CYP2C19: variants seen among roughly 807,000 people sequenced by gnomAD.
CYP2C19 encodes the protein cytochrome P450 2C19.
CYP2C19 carries 59 observed loss-of-function variants against 40.9 expected under a neutral mutation model. That is an observed-to-expected ratio of 1.44 (90% CI 1.17 to 1.79). The LOEUF (loss-of-function observed/expected upper bound fraction) is 1.79. Among genes scored for constraint, CYP2C19 ranks in the 40% most tolerant of loss-of-function variants. The probability of loss-of-function intolerance (pLI) is 0.00; values close to 1 mark genes in which losing one functional copy is unlikely to be tolerated. For missense variants in CYP2C19, 754 were observed against 596.9 expected, an observed-to-expected ratio of 1.26 and a Z score of -2.74; for synonymous variants, 253 against 208.7, an observed-to-expected ratio of 1.21 and a Z score of -1.83.
chr10:94,779,053 A>G (rs1848448507), intron 3 of CYP2C19, among the ~76,000 whole-genome samples: 1 of 152,098 alleles, frequency 6.6e-6, no homozygotes, highest in Non-Finnish European at 1.5e-5. Flanking sequence ...TATAAGTGGG[A>G]GTTGAAAAAT....
At position 94,773,678 on chromosome 10, in the gene CYP2C19, G is replaced by A. The variant is rs144414415; in HGVS notation, c.169-1380G>A. Among the ~76,000 whole-genome samples, 1,238 of 151,358 alleles carry A rather than the reference G, an allele frequency of 8.2e-3. 9 individuals are homozygous for A. Among genetic ancestry groups the A allele is most frequent in the South Asian group, 0.014 (67 of 4,762 alleles). On this transcript the variant is annotated intron_variant, in intron 1 of 8. Coordinates refer to ENST00000371321, the MANE Select transcript of CYP2C19 (RefSeq NM_000769.4). The stretch of plus-strand genomic sequence containing the variant: ...AAAGGTGGCATATCTGGAGTTGTTC[G>A]TTCCTCCTGGTGGGTTTGTGGTCTT...
In CYP2C19 at chr10:94,780,779, C is replaced by G. The variant is rs184151290; in HGVS notation, c.642+120C>G. ...TTTGAATACTACAGTCTTGCCTAGA[C>G]AGCCATGGGGTGAATATCTGGAAAA... On this transcript the variant is annotated intron_variant, in intron 4 of 8. Coordinates refer to ENST00000371321, the MANE Select transcript of CYP2C19 (RefSeq NM_000769.4). The G allele has an allele frequency of 4.3e-4, 465 of 1,092,644 alleles. 6 individuals carry two copies. The Middle Eastern group carries it at 5.5e-3, about 13-fold the overall frequency. 67.7% of individuals were successfully genotyped at this position (1,092,644 alleles called of 1,614,324 possible).
At chr10:94,779,417 A>G (rs1447194302) in intron 3 of CYP2C19, among the ~76,000 whole-genome samples, 1 of 152,178 alleles carries the variant, frequency 6.6e-6, no homozygotes, top group Non-Finnish European at 1.5e-5. Flanking sequence ...GGTCTAATCA[A>G]TGTCAAATTT....
chr10:94,788,837 G>T (rs1403602292), intron 5 of CYP2C19, among the ~76,000 whole-genome samples: 1 of 151,990 alleles, frequency 6.6e-6, no homozygotes, highest in Non-Finnish European at 1.5e-5. Flanking sequence ...TAGTAGAAGG[G>T]CTTATAATCC....
intron 5 of CYP2C19, among the ~76,000 whole-genome samples, chr10:94,793,027 A>C (rs952363305): frequency 6.6e-6 from 1 of 152,112 alleles, no homozygotes; most frequent in Non-Finnish European, 1.5e-5. Context: ...ACATAGTCAA[A>C]TATTTCTTAG....
chr10:94,772,419 C>A (rs1848346224), intron 1 of CYP2C19, among the ~76,000 whole-genome samples: 3 of 152,064 alleles, frequency 2.0e-5, no homozygotes, highest in African/African-American at 7.2e-5. Context: ...CAGAGACAGG[C>A]AGTGGTTTTT....
chr10:94,848,450 T>C (rs1849604984), intron 7 of CYP2C19, among the ~76,000 whole-genome samples: 4 of 152,210 alleles, frequency 2.6e-5, no homozygotes, highest in African/African-American at 9.6e-5. Flanking sequence ...TCTGTTTTGG[T>C]ACCAGTACCA....
At position 94,853,694 on chromosome 10, in the gene CYP2C19, T is replaced by A. The variant is rs1254030308; in HGVS notation, c.*780T>A. ...CTGAGTAGCTGGGATTACAGACACG[T>A]GCCACCATGCCTGGCTAATTTTTTT... On this transcript the variant is annotated 3_prime_UTR_variant, in exon 9 of 9. Transcript: ENST00000371321. 6.6e-6 allele frequency among the ~76,000 whole-genome samples: 1 copy of A among 151,776 alleles called. No individual in the cohort carries two copies. The highest frequency in any genetic ancestry group is 2.1e-4 in the South Asian group (1 of 4,804).
intron 5 of CYP2C19, among the ~76,000 whole-genome samples, chr10:94,808,400 A>G (rs1438431595): frequency 6.6e-6 from 1 of 152,162 alleles, no homozygotes; most frequent in African/African-American, 2.4e-5. Context: ...TGGTTTATCT[A>G]TCCTCTCAAG....
At chr10:94,821,481 A>G (rs1228254807) in intron 6 of CYP2C19, among the ~76,000 whole-genome samples, 1 of 152,214 alleles carries the variant, frequency 6.6e-6, no homozygotes, top group Non-Finnish European at 1.5e-5. Context: ...TAGATTCATG[A>G]GAAAGTTGAT....
chr10:94,842,822 C>A lies in CYP2C19; in HGVS notation c.962-15C>A, dbSNP rs555244464. The A allele has an allele frequency of 6.2e-7, 1 of 1,613,928 alleles. No individual in the cohort carries two copies. Among genetic ancestry groups the A allele is most frequent in the African/African-American group, 1.3e-5 (1 of 75,026 alleles). On this transcript the variant is annotated splice_polypyrimidine_tract_variant and intron_variant, in intron 6 of 8. Coordinates refer to ENST00000371321, the MANE Select transcript of CYP2C19 (RefSeq NM_000769.4). ...TTCTCTCCTTTTCCATCAGTTCTTA[C>A]TTGTGTCTTGTCAGCTAAAGTCCAG...
At chr10:94,845,833 G>T (rs370086508) in intron 7 of CYP2C19, among the ~76,000 whole-genome samples, 1 of 151,880 alleles carries the variant, frequency 6.6e-6, no homozygotes, top group African/African-American at 2.4e-5. Flanking sequence ...TTAGTGGGTA[G>T]AATTTTTCAT....
chr10:94,826,124 A>C (rs1463360369), intron 6 of CYP2C19, among the ~76,000 whole-genome samples: 4 of 151,988 alleles, frequency 2.6e-5, no homozygotes, highest in Admixed American at 2.6e-4. Flanking sequence ...TGGCTTAGGA[A>C]TGACTTGGTG....
chr10:94,777,820 T>C (rs898298485), intron 3 of CYP2C19, among the ~76,000 whole-genome samples: 9 of 152,124 alleles, frequency 5.9e-5, no homozygotes, highest in African/African-American at 2.2e-4. Flanking sequence ...AAAGAGCTTC[T>C]GCATAGCAAA....
At chr10:94,796,867 C>T (rs1848696363) in intron 5 of CYP2C19, among the ~76,000 whole-genome samples, 1 of 152,110 alleles carries the variant, frequency 6.6e-6, no homozygotes. Context: ...ACTGAAGTTG[C>T]TTATCAGCTT....
chr10:94,774,992 A>G, intron 1 of CYP2C19, 66 bp from the exon 2 acceptor site: 1 of 1,528,282 alleles, frequency 6.5e-7, no homozygotes, highest in African/African-American at 1.4e-5. Context: ...ATATGAATCT[A>G]AGTCAGGCTT....
chr10:94,775,191 C>T lies in CYP2C19; in HGVS notation c.302C>T (p.Pro101Leu). 1.2e-6 allele frequency: 2 copies of T among 1,614,074 alleles called. No homozygotes were observed. Among genetic ancestry groups the T allele is most frequent in the Non-Finnish European group, 1.7e-6 (2 of 1,180,020 alleles). Residue 101 changes from proline to leucine, a missense_variant, in exon 2 of 9, where the codon CCA becomes CTA. Physicochemically the swap from Pro to Leu is moderately conservative, Grantham distance 98. Coordinates refer to ENST00000371321, the MANE Select transcript of CYP2C19 (RefSeq NM_000769.4). ...GAGTTTTCTGGAAGAGGCCATTTCC[C>T]ACTGGCTGAAAGAGCTAACAGAGGA... is the stretch of plus-strand genomic sequence containing the variant. ...GEEFSGRGHF[P>L]LAERANRGFG... is the part of the protein sequence containing the mutation.
rs751802597 is a variant in CYP2C19 at position 94,820,508 on chromosome 10, C to T, written c.832C>T (p.Gln278Ter). The T allele has an allele frequency of 2.5e-6, 4 of 1,613,994 alleles. No individual in the cohort carries two copies. Among genetic ancestry groups the T allele is most frequent in the Middle Eastern group, 1.6e-4 (1 of 6,062 alleles). The change falls in exon 6 of 9, where the codon CAA (glutamine) becomes TAA (stop). Residue 278 changes from glutamine to a stop codon, truncating the protein, a stop_gained. Transcript: ENST00000371321. LOFTEE classifies it high-confidence loss of function. Reference protein sequence around the residue: ...LIKMEKEKQNQQSEFTIENLV... With the variant: ...LIKMEKEKQN ...AAATCATTCCTAGGAAAAGCAAAAC[C>T]AACAGTCTGAATTCACTATTGAAAA... is the stretch of plus-strand genomic sequence containing the variant.
intron 5 of CYP2C19, among the ~76,000 whole-genome samples, chr10:94,801,355 G>A (rs959023575): frequency 3.9e-5 from 6 of 152,164 alleles, no homozygotes; most frequent in Non-Finnish European, 8.8e-5. Context: ...TAGTTACTCA[G>A]TAGTCATTCA....
Sources: gnomAD v4.1 joint callset for allele counts (sites outside exome capture counted in the v4.1 genomes callset) on GRCh38, gnomAD v4.1.1 for gene constraint, MANE v1.5 for transcripts, NCBI Gene and HGNC (gene_info 2026-07-23, HGNC 2026-07-21) for gene names.